Variants in SNX29 observed in about 807,000 individuals in gnomAD.
SNX29 encodes the protein sorting nexin-29.
A neutral mutation model predicts 102.1 loss-of-function variants in SNX29; 78 were observed. The ratio of observed to expected loss-of-function variants is 0.76; its 90% CI spans 0.64 to 0.92. The LOEUF (loss-of-function observed/expected upper bound fraction) is 0.92, where lower values mean the gene tolerates loss of function less well. Among genes scored for constraint, SNX29 ranks in the 40% least tolerant of loss-of-function variants. The pLI, the probability that SNX29 is intolerant of heterozygous loss-of-function variation, is 0.00. For synonymous variants in SNX29, 580 were observed against 414.5 expected (o/e 1.40, Z -4.85); for missense variants, 1,280 against 1,061.7 (o/e 1.21, Z -2.86).
intron 13 of SNX29, among the ~76,000 whole-genome samples, chr16:12,160,651 G>A (rs558776971): frequency 6.6e-6 from 1 of 152,062 alleles, no homozygotes; most frequent in Non-Finnish European, 1.5e-5. Context: ...TGTTGTTGTT[G>A]TACAGTCTTG....
intron 18 of SNX29, among the ~76,000 whole-genome samples, chr16:12,475,399 A>G (rs9926127): frequency 0.24 from 35,811 of 152,044 alleles, 4,771 homozygotes; most frequent in South Asian, 0.38. Context: ...GGGTTATCAA[A>G]CTCTTTTTGT....
chr16:12,133,849 A>G (rs1326209816), intron 13 of SNX29, among the ~76,000 whole-genome samples: 2 of 152,200 alleles, frequency 1.3e-5, no homozygotes, highest in African/African-American at 4.8e-5. Context: ...TTCGAATGCT[A>G]AGTATGCGCT....
chr16:12,558,643 A>G (rs6498321), intron 20 of SNX29, among the ~76,000 whole-genome samples: 1 of 152,122 alleles, frequency 6.6e-6, no homozygotes. Context: ...AAAGAAACCT[A>G]TTCTCCATCC....
chr16:12,274,833 TG>T lies in SNX29; in HGVS notation c.1679-3099del, dbSNP rs1240551918. Among the ~76,000 whole-genome samples, 5 of 152,220 alleles carry T rather than the reference TG, an allele frequency of 3.3e-5. No homozygotes were observed. The East Asian group carries it at 9.6e-4, about 29-fold the overall frequency. On this transcript the variant is annotated intron_variant, in intron 14 of 20. Coordinates refer to ENST00000566228, the MANE Select transcript of SNX29 (RefSeq NM_032167.5). ...TTTACAGTCCCTGTTCTATTTCTGC[TG>T]TTATAGTTTCACTCTGTAAAAGGGC...
At chr16:12,406,716 T>C (rs1337146014) in intron 18 of SNX29, among the ~76,000 whole-genome samples, 1 of 152,242 alleles carries the variant, frequency 6.6e-6, no homozygotes, top group Non-Finnish European at 1.5e-5. Flanking sequence ...AAGACCATCC[T>C]GGCCAACATG....
At chr16:12,494,345 C>G (rs1258645952) in intron 19 of SNX29, among the ~76,000 whole-genome samples, 1 of 152,210 alleles carries the variant, frequency 6.6e-6, no homozygotes, top group Non-Finnish European at 1.5e-5. Context: ...GTTTAATTGT[C>G]TCCTTCCTCG....
At chr16:12,486,964 G>A (rs1222888597) in intron 19 of SNX29, among the ~76,000 whole-genome samples, 1 of 152,128 alleles carries the variant, frequency 6.6e-6, no homozygotes, top group Non-Finnish European at 1.5e-5. Flanking sequence ...ATAAGTAAGA[G>A]GCTGTAATAA....
At chr16:12,278,347 C>T (rs946937455) in intron 15 of SNX29, among the ~76,000 whole-genome samples, 6 of 152,096 alleles carry the variant, frequency 3.9e-5, no homozygotes, top group Non-Finnish European at 8.8e-5. Context: ...ATATCACATG[C>T]ACCTTTGTGC....
At chr16:12,149,388 G>T (rs2055202266) in intron 13 of SNX29, among the ~76,000 whole-genome samples, 2 of 152,314 alleles carry the variant, frequency 1.3e-5, no homozygotes, top group African/African-American at 4.8e-5. Context: ...GGAGCACATT[G>T]TCACTCCAAA....
rs560154262 is a variant in SNX29, at chr16:12,054,060, C to T, written c.1124+1838C>T. On this transcript the variant is annotated intron_variant, in intron 8 of 20. Coordinates refer to ENST00000566228, the MANE Select transcript of SNX29 (RefSeq NM_032167.5). ...TCGGCTCACTGCAAACTCCGCCTCC[C>T]GGGTTCATGCCATTCTCCTGCCTCA... Among the ~76,000 whole-genome samples, 7 of 152,006 alleles carry T rather than the reference C, an allele frequency of 4.6e-5. No individual in the cohort carries two copies. The South Asian group carries it at 8.3e-4, about 18-fold the overall frequency.
rs534075230 is a variant in SNX29, at chr16:12,147,429, C to T, written c.1595+17671C>T. Among the ~76,000 whole-genome samples, 5 of 152,256 alleles carry T rather than the reference C, an allele frequency of 3.3e-5. No homozygotes were observed. The South Asian group carries it at 8.3e-4, about 25-fold the overall frequency. ...TTCACCGGGGAGGGAAATGCTTTTC[C>T]CATTCATTAATGCTTCATTTCTTGT... On this transcript the variant is annotated intron_variant, in intron 13 of 20. Coordinates refer to ENST00000566228, the MANE Select transcript of SNX29 (RefSeq NM_032167.5).
At chr16:12,547,851 G>C (rs2077707410) in intron 20 of SNX29, among the ~76,000 whole-genome samples, 1 of 152,194 alleles carries the variant, frequency 6.6e-6, no homozygotes, top group East Asian at 1.9e-4. Flanking sequence ...CCAAACTGGA[G>C]TTTAGCAAAA....
intron 20 of SNX29, among the ~76,000 whole-genome samples, chr16:12,539,061 C>A (rs8044673): frequency 0.19 from 28,899 of 152,160 alleles, 3,907 homozygotes; most frequent in African/African-American, 0.37. Context: ...ACTGTGTATT[C>A]TGGGATAGGG....
intron 14 of SNX29, among the ~76,000 whole-genome samples, chr16:12,237,782 C>A (rs551671590): frequency 6.6e-6 from 1 of 152,302 alleles, no homozygotes; most frequent in African/African-American, 2.4e-5. Context: ...GTGGCAGGTG[C>A]CTGTAATCCC....
At chr16:12,173,520 G>A (rs2076195417) in intron 13 of SNX29, among the ~76,000 whole-genome samples, 2 of 152,204 alleles carry the variant, frequency 1.3e-5, no homozygotes, top group African/African-American at 4.8e-5. Flanking sequence ...CAAGTGCTGA[G>A]TGAGGTCTTG....
At chr16:12,366,827 G>T (rs957506749) in intron 16 of SNX29, among the ~76,000 whole-genome samples, 2 of 148,486 alleles carry the variant, frequency 1.3e-5, no homozygotes, top group Non-Finnish European at 3.0e-5. Context: ...TCCTTTCTTT[G>T]TCTCTGCCTC....
chr16:12,099,295 T>C (rs1430895157), intron 11 of SNX29, among the ~76,000 whole-genome samples: 1 of 152,086 alleles, frequency 6.6e-6, no homozygotes, highest in African/African-American at 2.4e-5. Flanking sequence ...TTGGTTCCGT[T>C]TTCTTGTACT....
chr16:12,340,695 G>T (rs1288037315), intron 15 of SNX29, among the ~76,000 whole-genome samples: 2 of 152,148 alleles, frequency 1.3e-5, no homozygotes, highest in Non-Finnish European at 2.9e-5. Flanking sequence ...CAGAAGGGAC[G>T]ATCTCCCCTG....
At chr16:12,069,366 A>G (rs1015754096) in intron 10 of SNX29, among the ~76,000 whole-genome samples, 5 of 150,392 alleles carry the variant, frequency 3.3e-5, no homozygotes, top group African/African-American at 1.2e-4. Flanking sequence ...CCCGAGATCA[A>G]GCGATTCTCT....
Sources: gnomAD v4.1 joint callset for allele counts (sites outside exome capture counted in the v4.1 genomes callset) on GRCh38, gnomAD v4.1.1 for gene constraint, MANE v1.5 for transcripts, NCBI Gene and HGNC (gene_info 2026-07-23, HGNC 2026-07-21) for gene names.